The following SESN3 variants were observed in gnomAD, a reference collection of about 807,000 sequenced individuals.
The protein encoded by SESN3 is sestrin 3.
A neutral mutation model predicts 55.3 loss-of-function variants in SESN3; 21 were observed. The ratio of observed to expected loss-of-function variants is 0.38; its 90% CI spans 0.27 to 0.55. SESN3 has a LOEUF of 0.55. SESN3 is among the 20% of genes least tolerant of loss of function. The probability of loss-of-function intolerance (pLI) is 0.76; values close to 1 mark genes in which losing one functional copy is unlikely to be tolerated. For synonymous variants in SESN3, 181 were observed against 203.1 expected (o/e 0.89, Z 0.93); for missense variants, 408 against 604.3 (o/e 0.68, Z 3.41).
In SESN3 at chr11:95,191,534, C is replaced by T. The variant is rs542136270; in HGVS notation, c.212G>A (p.Arg71His). Residue 71 changes from arginine (R) to histidine (H), a missense_variant, in exon 3 of 10, where the codon CGT (arginine) becomes CAT (histidine). Physicochemically the swap from Arg to His is conservative, Grantham distance 29. Transcript: ENST00000536441. ...CATGACCTGTGTGATGTTGTCCAGA[C>T]GACCGGATGTAGAGTATTCTTCCAC... ...FLVEEYSTSG[R>H]LDNITQVMSL... The T allele has an allele frequency of 6.8e-6, 11 of 1,612,880 alleles. No homozygotes were observed. The highest frequency in any genetic ancestry group is 4.5e-5 in the East Asian group (2 of 44,856).
chr11:95,178,823 C>T lies in SESN3; in HGVS notation c.943G>A (p.Glu315Lys), dbSNP rs1431004400. 1 of 1,568,588 alleles carries T rather than the reference C, an allele frequency of 6.4e-7. No individual in the cohort carries two copies. Among genetic ancestry groups the T allele is most frequent in the Admixed American group, 1.7e-5 (1 of 59,950 alleles). ...TCAGATGTTATAATCATGTCATCCT[C>T]AAAATCTAAGGACAATAATGAACAA... Reference protein sequence around the residue: ...TFHSFPHSDFEDDMIITSDVS... With the variant: ...TFHSFPHSDFKDDMIITSDVS... The change falls in exon 7 of 10, where the codon GAG (glutamate) becomes AAG (lysine). Residue 315 changes from glutamate (E) to lysine (K), a missense_variant. Physicochemically the swap from Glu to Lys is moderately conservative, Grantham distance 56. This residue lies in a region of SESN3 where 119 missense variants were observed against 139.9 expected (regional missense o/e 0.85). Transcript: ENST00000536441.
intron 1 of SESN3, among the ~76,000 whole-genome samples, chr11:95,216,631 C>G (rs1860761850): frequency 6.6e-6 from 1 of 151,964 alleles, no homozygotes; most frequent in Non-Finnish European, 1.5e-5. Flanking sequence ...TGCTTATTAT[C>G]AATTCATTCC....
At position 95,184,537 on chromosome 11, in the gene SESN3, C is replaced by G; in HGVS notation, c.820G>C (p.Glu274Gln). The change falls in exon 6 of 10, where the codon GAA (glutamate) becomes CAA (glutamine). Residue 274 changes from glutamate to glutamine, a missense_variant. By Grantham distance (29) the Glu-to-Gln change is conservative (BLOSUM62 2). This residue lies in a region of SESN3 where 119 missense variants were observed against 139.9 expected (regional missense o/e 0.85). Coordinates refer to ENST00000536441, the MANE Select transcript of SESN3 (RefSeq NM_144665.4). ...ALMERMKRLQEEREDEEASQE... is the reference protein window; with the variant it reads ...ALMERMKRLQQEREDEEASQE... ...GACGCCTCTTCATCTTCCCTTTCTT[C>G]TTGAAGTCTTTTCATCCTTTCCATT... 6.2e-7 allele frequency: 1 copy of G among 1,613,508 alleles called. No homozygotes were observed. Among genetic ancestry groups the G allele is most frequent in the South Asian group, 1.1e-5 (1 of 91,072 alleles).
rs924724205 is a variant in SESN3 at position 95,170,667 on chromosome 11, G to C, written c.*2588C>G. ...TTGCATTGGATAAAGAGAGTTAACA[G>C]CAAACTCGTTGTAAAATGGTATTCA... On this transcript the variant is annotated 3_prime_UTR_variant, in exon 10 of 10. Coordinates refer to ENST00000536441, the MANE Select transcript of SESN3 (RefSeq NM_144665.4). 1 of 152,190 alleles carries C rather than the reference G, an allele frequency of 6.6e-6. No homozygotes were observed. Among genetic ancestry groups the C allele is most frequent in the Non-Finnish European group, 1.5e-5 (1 of 68,022 alleles). 9.4% of individuals were successfully genotyped at this position (152,190 alleles called of 1,614,324 possible). A position where few individuals can be genotyped will look rare whatever the true frequency, so the allele number is the denominator to read the frequency against.
chr11:95,227,793 T>A (rs1176465867), intron 1 of SESN3, among the ~76,000 whole-genome samples: 3 of 152,186 alleles, frequency 2.0e-5, no homozygotes, highest in Non-Finnish European at 4.4e-5. Context: ...CTCAATGCAG[T>A]TTGACACATG....
At chr11:95,221,109 C>T (rs564854702) in intron 1 of SESN3, among the ~76,000 whole-genome samples, 3 of 152,028 alleles carry the variant, frequency 2.0e-5, no homozygotes, top group East Asian at 1.9e-4. Context: ...TCGAAGCCAG[C>T]GTGGCCAACA....
chr11:95,177,304 T>C (rs893600665), intron 8 of SESN3, among the ~76,000 whole-genome samples: 2 of 152,174 alleles, frequency 1.3e-5, no homozygotes, highest in Admixed American at 1.3e-4. Context: ...TACAGTTTTG[T>C]TTATACCGTA....
upstream of SESN3, chr11:95,231,767 T>C (rs2077510): frequency 0.27 from 40,353 of 152,232 alleles, 5,492 homozygotes; most frequent in Non-Finnish European, 0.29. Flanking sequence ...AGTTATGTAG[T>C]ACTTTGTATC....
chr11:95,188,965 CATCAAA>C (rs1860216190), intron 4 of SESN3, among the ~76,000 whole-genome samples: 1 of 151,852 alleles, frequency 6.6e-6, no homozygotes, highest in Non-Finnish European at 1.5e-5. Context: ...CCAGATTCAG[CATCAAA>C]ATCTGAGAGT....
Position 95,167,915 on chromosome 11 carries a change from A to G in SESN3, c.*5340T>C, listed in dbSNP as rs1309774695. 1 of 152,162 alleles carries G rather than the reference A, an allele frequency of 6.6e-6. No individual in the cohort carries two copies. The highest frequency in any genetic ancestry group is 1.9e-4 in the East Asian group (1 of 5,204). The allele number at this position is 152,162 out of a possible 1,614,324, so 9.4% of individuals were successfully genotyped here. The stretch of plus-strand genomic sequence containing the variant: ...ATATACCCGAAGTGCGGCTAGGAGA[A>G]TAAAGACTACAAAGTCAATGCATTT... On this transcript the variant is annotated 3_prime_UTR_variant, in exon 10 of 10. Transcript: ENST00000536441.
At chr11:95,203,053 C>CA (rs1416946843) in intron 1 of SESN3, among the ~76,000 whole-genome samples, 1 of 151,946 alleles carries the variant, frequency 6.6e-6, no homozygotes, top group Non-Finnish European at 1.5e-5. Flanking sequence ...TTTGGAGAAA[C>CA]AAAAATATGC....
intron 1 of SESN3, among the ~76,000 whole-genome samples, chr11:95,227,336 A>G (rs772932611): frequency 3.3e-5 from 5 of 151,894 alleles, no homozygotes; most frequent in Admixed American, 6.6e-5. Flanking sequence ...CTCCTGAGTA[A>G]CTGGGACTAC....
intron 1 of SESN3, among the ~76,000 whole-genome samples, chr11:95,196,641 A>T (rs1161442745): frequency 6.6e-6 from 1 of 152,166 alleles, no homozygotes; most frequent in Non-Finnish European, 1.5e-5. Flanking sequence ...ATATGGCTAA[A>T]TTTAAATGAA....
rs550737796 is a variant in SESN3 at position 95,214,143 on chromosome 11, C to T, written c.78+16640G>A. Among the ~76,000 whole-genome samples the T allele has an allele frequency of 2.0e-5, 3 of 152,260 alleles. No homozygotes were observed. In the East Asian group the frequency reaches 5.8e-4, roughly 29 times the overall value. ...ATTTAAGGTACTATATTAGCCCTTT[C>T]CTCACAGAAGGATAGAAAAATGGTC... On this transcript the variant is annotated intron_variant, in intron 1 of 9. Coordinates refer to ENST00000536441, the MANE Select transcript of SESN3 (RefSeq NM_144665.4).
At chr11:95,205,423 A>T (rs1001244165) in intron 1 of SESN3, among the ~76,000 whole-genome samples, 1 of 152,134 alleles carries the variant, frequency 6.6e-6, no homozygotes, top group Non-Finnish European at 1.5e-5. Flanking sequence ...AGCAGTATGG[A>T]TTAAAGAAAA....
At chr11:95,209,240 A>T (rs572191008) in intron 1 of SESN3, among the ~76,000 whole-genome samples, 2 of 151,536 alleles carry the variant, frequency 1.3e-5, no homozygotes, top group African/African-American at 4.8e-5. Flanking sequence ...AACAACCTCA[A>T]CAAAAAGTGG....
At chr11:95,211,643 G>A (rs571305853) in intron 1 of SESN3, among the ~76,000 whole-genome samples, 22 of 152,192 alleles carry the variant, frequency 1.4e-4, no homozygotes, top group Non-Finnish European at 2.1e-4. Context: ...GGTGGCGCAC[G>A]CCTGTAGTCC....
chr11:95,186,980 T>C (rs1860180416), intron 4 of SESN3, among the ~76,000 whole-genome samples: 1 of 151,918 alleles, frequency 6.6e-6, no homozygotes, highest in Non-Finnish European at 1.5e-5. Flanking sequence ...TAAGCAATTA[T>C]ATAGTTACAA....
intron 1 of SESN3, among the ~76,000 whole-genome samples, chr11:95,195,494 A>G (rs1473505845): frequency 2.0e-5 from 3 of 152,190 alleles, no homozygotes; most frequent in African/African-American, 7.2e-5. Context: ...TGAGGACACA[A>G]ATAAGAATTA....
Sources: gnomAD v4.1 joint callset for allele counts (sites outside exome capture counted in the v4.1 genomes callset) on GRCh38, gnomAD v4.1.1 for gene constraint, gnomAD v4.1.1 regional missense constraint, MANE v1.5 for transcripts, NCBI Gene and HGNC (gene_info 2026-07-23, HGNC 2026-07-21) for gene names.